Variants in BCOR observed in about 807,000 individuals in gnomAD.
The protein encoded by BCOR is BCL-6 corepressor.
BCOR carries 10 observed loss-of-function variants against 86.7 expected under a neutral mutation model. The observed-to-expected ratio is 0.12, with a 90% CI of 0.07 to 0.20. The LOEUF (loss-of-function observed/expected upper bound fraction) is 0.20, where lower values mean the gene tolerates loss of function less well. Among genes scored for constraint, BCOR ranks in the 10% least tolerant of loss-of-function variants. BCOR has a pLI of 1.00. For missense variants in BCOR, 1,259 were observed against 1,452.1 expected (o/e 0.87, Z 2.16); for synonymous variants, 611 against 609.0 (o/e 1.00, Z -0.05).
intron 1 of BCOR, among the ~76,000 whole-genome samples, chrX:40,129,672 T>G (rs1555934142): frequency 2.0e-5 from 2 of 100,667 alleles, no homozygotes; most frequent in African/African-American, 3.8e-5. Flanking sequence ...CTTAGGGAGG[T>G]GGGGGTTGGG....
chrX:40,098,746 T>C (rs778189813), upstream of BCOR, among the ~76,000 whole-genome samples: 147 of 110,739 alleles, frequency 1.3e-3, no homozygotes, highest in Middle Eastern at 4.7e-3. Flanking sequence ...CCCTTTCCCA[T>C]TTCGGTGTTA....
chrX:40,136,215 G>A (rs1004545061), intron 1 of BCOR, among the ~76,000 whole-genome samples: 2 of 112,428 alleles, frequency 1.8e-5, no homozygotes, highest in Admixed American at 1.9e-4. Context: ...TGAGGGACAC[G>A]TGGAGCAGCT....
upstream of BCOR, among the ~76,000 whole-genome samples, chrX:40,102,237 G>A (rs1333666899): frequency 8.9e-6 from 1 of 112,919 alleles, no homozygotes; most frequent in African/African-American, 3.2e-5. Flanking sequence ...AGGCCCTAAG[G>A]GCAGCCTCTC....
At chrX:40,139,675 G>A (rs1186678068) in intron 1 of BCOR, among the ~76,000 whole-genome samples, 3 of 100,436 alleles carry the variant, frequency 3.0e-5, no homozygotes, top group Non-Finnish European at 6.0e-5. Flanking sequence ...GCCCAGCGTC[G>A]TGGCACACGC....
intron 1 of BCOR, among the ~76,000 whole-genome samples, chrX:40,137,198 T>C (rs111989308): frequency 2.7e-5 from 3 of 112,374 alleles, no homozygotes; most frequent in African/African-American, 9.7e-5. Flanking sequence ...TCAGATATTA[T>C]AGCCGTCAAA....
intron 1 of BCOR, among the ~76,000 whole-genome samples, chrX:40,135,303 A>C (rs1248078361): frequency 9.0e-6 from 1 of 110,910 alleles, no homozygotes; most frequent in Non-Finnish European, 1.9e-5. Context: ...GTCTCCTCTG[A>C]GCTTTCCCAC....
At chrX:40,140,430 C>T (rs1250560821) in intron 1 of BCOR, among the ~76,000 whole-genome samples, 3 of 111,469 alleles carry the variant, frequency 2.7e-5, no homozygotes, top group Non-Finnish European at 5.7e-5. Context: ...CCTCACTGCA[C>T]TACAGCCTCA....
At position 40,064,547 on chromosome X, in the gene BCOR, G is replaced by T. The variant is rs1935101181; in HGVS notation, c.3291C>A (p.Asp1097Glu). The change falls in exon 7 of 15, where the codon GAC becomes GAA. Residue 1097 changes from aspartate to glutamate, a missense_variant. Physicochemically the swap from Asp to Glu is conservative, Grantham distance 45. This residue lies in a region of BCOR where 305 missense variants were observed against 286.1 expected (regional missense o/e 1.07). Transcript: ENST00000378444. ...KHRDPFEAPEDKDLPVEKYFV... is the reference protein window; with the variant it reads ...KHRDPFEAPEEKDLPVEKYFV... ...AGTACTTCTCCACAGGAAGATCTTT[G>T]TCCTCTGGGGCTTCAAAGGGATCAC... 8.3e-7 allele frequency: 1 copy of T among 1,210,585 alleles called. No homozygotes were observed. The highest frequency in any genetic ancestry group is 2.2e-5 in the Admixed American group (1 of 45,944).
At position 40,078,033 on chromosome X, in the gene BCOR, G is replaced by T. The variant is rs1356318648; in HGVS notation, c.-40-64C>A. 9.2e-6 allele frequency: 6 copies of T among 653,128 alleles called. No individual in the cohort carries two copies. In the Admixed American group the frequency reaches 9.5e-5, roughly 10 times the overall value. The allele number at this position is 653,128 out of a possible 1,213,427, so 53.8% of individuals were successfully genotyped here. A position where few individuals can be genotyped will look rare whatever the true frequency, so the allele number is the denominator to read the frequency against. On this transcript the variant is annotated intron_variant, in intron 1 of 14. Coordinates refer to ENST00000378444, the MANE Select transcript of BCOR (RefSeq NM_001123385.2). ...TAAAGGAGAGCCAAACAGGGCGCTAGAGAAGGCCTCTTTCTAGGTGATTCA... is the reference window on the plus strand; with the variant it reads ...TAAAGGAGAGCCAAACAGGGCGCTATAGAAGGCCTCTTTCTAGGTGATTCA...
At chrX:40,101,159 G>A (rs770844432), upstream of BCOR, among the ~76,000 whole-genome samples, 1 of 111,016 alleles carries the variant, frequency 9.0e-6, no homozygotes, top group East Asian at 2.9e-4. Flanking sequence ...AGCTGTCGAA[G>A]GGCAATCCCA....
At chrX:40,113,849 C>T (rs1019277514) in intron 1 of BCOR, among the ~76,000 whole-genome samples, 1 of 108,558 alleles carries the variant, frequency 9.2e-6, no homozygotes, top group Non-Finnish European at 1.9e-5. Context: ...GATAGAGTCT[C>T]ACTCTGTTAC....
intron 1 of BCOR, among the ~76,000 whole-genome samples, chrX:40,080,513 G>C (rs955830680): frequency 9.0e-6 from 1 of 111,171 alleles, no homozygotes; most frequent in Non-Finnish European, 1.9e-5. Flanking sequence ...AGGACCTCCC[G>C]GCACCTTCTT....
chrX:40,169,396 C>T (rs1028989577), intron 1 of BCOR, among the ~76,000 whole-genome samples: 1 of 112,149 alleles, frequency 8.9e-6, no homozygotes, highest in South Asian at 3.7e-4. Flanking sequence ...TCGCAGATAA[C>T]AGATTAACTG....
intron 1 of BCOR, among the ~76,000 whole-genome samples, chrX:40,081,354 C>G (rs1375179533): frequency 8.9e-6 from 1 of 112,097 alleles, no homozygotes; most frequent in Non-Finnish European, 1.9e-5. Flanking sequence ...GAAGGGGACA[C>G]TGGGGTAAGA....
intron 1 of BCOR, among the ~76,000 whole-genome samples, chrX:40,152,286 C>G (rs770579603): frequency 1.8e-5 from 2 of 112,032 alleles, no homozygotes; most frequent in East Asian, 5.7e-4. Context: ...CTCTTCACCC[C>G]TCCCCACCCC....
intron 1 of BCOR, among the ~76,000 whole-genome samples, chrX:40,083,877 C>T (rs1460544375): frequency 8.9e-6 from 1 of 111,936 alleles, no homozygotes; most frequent in East Asian, 2.8e-4. Context: ...CGGCCTGGCA[C>T]GCTCTCCATG....
chrX:40,064,306 C>A, intron 7 of BCOR, 30 bp downstream of exon 7: 1 of 1,211,838 alleles, frequency 8.3e-7, no homozygotes, highest in Non-Finnish European at 1.1e-6. Flanking sequence ...GCCCACCCCC[C>A]GGCAGGCGGG....
intron 1 of BCOR, among the ~76,000 whole-genome samples, chrX:40,159,426 A>C (rs2148007421): frequency 8.8e-6 from 1 of 113,100 alleles, no homozygotes; most frequent in East Asian, 2.8e-4. Context: ...CGCTCACTGC[A>C]AGCTCTGGCT....
intron 1 of BCOR, among the ~76,000 whole-genome samples, chrX:40,129,090 T>C (rs1462370165): frequency 9.0e-6 from 1 of 111,640 alleles, no homozygotes; most frequent in Non-Finnish European, 1.9e-5. Flanking sequence ...GCAGAGCTAG[T>C]GGGCATAGAC....
Sources: allele counts gnomAD v4.1 joint callset (sites outside exome capture counted in the v4.1 genomes callset), GRCh38; gene constraint gnomAD v4.1.1; regional missense constraint gnomAD v4.1.1; transcripts MANE v1.5; gene names NCBI Gene and HGNC (gene_info 2026-07-23, HGNC 2026-07-21).